Variants in BANP observed in about 807,000 individuals in gnomAD.
The protein encoded by BANP is BTG3 associated nuclear protein.
BANP carries 11 observed loss-of-function variants against 68.1 expected under a neutral mutation model. That is an observed-to-expected ratio of 0.16 (90% CI 0.10 to 0.27). The LOEUF (loss-of-function observed/expected upper bound fraction) is 0.27. BANP is among the 10% of genes least tolerant of loss of function. The pLI is 1.00. For synonymous variants in BANP, 329 were observed against 303.2 expected (o/e 1.09, Z -0.88); for missense variants, 504 against 722.7 (o/e 0.70, Z 3.47).
intron 11 of BANP, among the ~76,000 whole-genome samples, chr16:88,044,101 G>GT (rs2081407876): frequency 6.6e-6 from 1 of 152,208 alleles, no homozygotes; most frequent in Non-Finnish European, 1.5e-5. Context: ...CTTTGCTGCC[G>GT]TGGGTACCCT....
intron 6 of BANP, among the ~76,000 whole-genome samples, chr16:88,010,914 G>GTATTTAGCTACAAACATGCCTCGAA (rs1567743360): frequency 6.6e-6 from 1 of 151,776 alleles, no homozygotes; most frequent in African/African-American, 2.4e-5. Flanking sequence ...GGAAAGGAGA[G>GTATTTAGCTACAAACATGCCTCGAA]CATTTATTTA....
At chr16:87,994,185 G>A (rs190109129) in intron 4 of BANP, among the ~76,000 whole-genome samples, 153 of 152,336 alleles carry the variant, frequency 1.0e-3, no homozygotes, top group African/African-American at 3.6e-3. Flanking sequence ...TTGCCTAGGA[G>A]CCCCGCATCC....
chr16:88,050,729 T>G (rs925307369), intron 11 of BANP, among the ~76,000 whole-genome samples: 1 of 152,174 alleles, frequency 6.6e-6, no homozygotes, highest in Middle Eastern at 3.4e-3. Context: ...CACTCTGTTG[T>G]CGAGGCTGGA....
chr16:88,040,281 G>C (rs2080432485), intron 11 of BANP, among the ~76,000 whole-genome samples: 1 of 142,452 alleles, frequency 7.0e-6, no homozygotes, highest in Non-Finnish European at 1.5e-5. Context: ...TCCATCATTT[G>C]GCCAGTTCTC....
intron 8 of BANP, among the ~76,000 whole-genome samples, chr16:88,031,890 C>T (rs1270555085): frequency 6.6e-6 from 1 of 151,506 alleles, no homozygotes; most frequent in Non-Finnish European, 1.5e-5. Context: ...CTGTAACCAC[C>T]TACTCCCAGG....
chr16:87,958,125 T>G (rs1407252273), intron 1 of BANP, among the ~76,000 whole-genome samples: 1 of 152,150 alleles, frequency 6.6e-6, no homozygotes, highest in Non-Finnish European at 1.5e-5. Flanking sequence ...AATTTCTGGC[T>G]CTCCTCTTTG....
At chr16:87,982,997 C>T (rs1157816499) in intron 3 of BANP, among the ~76,000 whole-genome samples, 2 of 152,184 alleles carry the variant, frequency 1.3e-5, no homozygotes, top group Admixed American at 1.3e-4. Context: ...GCCGGCCTCC[C>T]GCTCCCCTGT....
intron 1 of BANP, among the ~76,000 whole-genome samples, chr16:87,953,067 A>G (rs1345100931): frequency 2.0e-5 from 3 of 152,148 alleles, no homozygotes; most frequent in Non-Finnish European, 4.4e-5. Flanking sequence ...GTGCTTCATC[A>G]TGACCCAGGA....
chr16:87,949,817 T>C (rs2056631466), upstream of BANP: 1 of 152,154 alleles, frequency 6.6e-6, no homozygotes, highest in Non-Finnish European at 1.5e-5. Context: ...GTTTTTATTA[T>C]TGGCAAAAGG....
intron 1 of BANP, among the ~76,000 whole-genome samples, chr16:87,961,681 G>A (rs2059184566): frequency 6.6e-6 from 1 of 152,174 alleles, no homozygotes; most frequent in Admixed American, 6.5e-5. Flanking sequence ...TACCATGAAT[G>A]TTTGTCCCCT....
At chr16:88,034,493 T>A (rs2078878127) in intron 9 of BANP, among the ~76,000 whole-genome samples, 9 of 152,304 alleles carry the variant, frequency 5.9e-5, no homozygotes, top group African/African-American at 1.9e-4. Flanking sequence ...ATCACATTTA[T>A]TAGTGTTTAC....
At chr16:87,985,627 G>A (rs559616105) in intron 4 of BANP, among the ~76,000 whole-genome samples, 1 of 152,238 alleles carries the variant, frequency 6.6e-6, no homozygotes, top group South Asian at 2.1e-4. Flanking sequence ...CCTAGCTATA[G>A]AGAATGAATG....
intron 6 of BANP, among the ~76,000 whole-genome samples, chr16:88,014,108 G>C (rs1290148523): frequency 6.6e-6 from 1 of 152,218 alleles, no homozygotes; most frequent in Non-Finnish European, 1.5e-5. Context: ...TTTAGAGTCA[G>C]AGTCTCCTGC....
chr16:88,070,560 G>A (rs1449287272), intron 12 of BANP, among the ~76,000 whole-genome samples: 1 of 152,164 alleles, frequency 6.6e-6, no homozygotes, highest in African/African-American at 2.4e-5. Flanking sequence ...AGTCGTGGCT[G>A]GCAGGGTTGC....
chr16:87,987,712 CAAAAAAAAA>C (rs66648819), intron 4 of BANP, among the ~76,000 whole-genome samples: 30 of 30,370 alleles, frequency 9.9e-4, no homozygotes, highest in South Asian at 5.2e-3. Context: ...GACCCTAACT[CAAAAAAAAA>C]AAAAAAAAAA....
At position 88,004,665 on chromosome 16, in the gene BANP, G is replaced by A. The variant is rs2070441932; in HGVS notation, c.479+254G>A. 6.6e-6 allele frequency among the ~76,000 whole-genome samples: 1 copy of A among 152,194 alleles called. No individual in the cohort carries two copies. Among genetic ancestry groups the A allele is most frequent in the Admixed American group, 6.5e-5 (1 of 15,282 alleles). The stretch of plus-strand genomic sequence containing the variant: ...TGTGTCTCGTGCTGGCCGGGGTTGT[G>A]GAGGGGGCTGGCTCTGTCTCCTCAC... On this transcript the variant is annotated intron_variant, in intron 5 of 13. Coordinates refer to ENST00000682872, the MANE Select transcript of BANP (RefSeq NM_001386991.1). This position sits in a 1 kb window ranked among gnomAD's most constrained non-coding sequence, Gnocchi z 7.0.
chr16:88,003,428 AT>A lies in BANP; in HGVS notation c.363-865del. ...GAGTGAAATCCAAGAATGGAGTTTT[AT>A]TGTCAGGTGATAATCACGTTGTGTT... On this transcript the variant is annotated intron_variant, in intron 4 of 13. Transcript: ENST00000682872. The surrounding 1 kb of genome is among the most constrained non-coding windows in gnomAD (Gnocchi z 6.1). 2.2e-6 allele frequency: 1 copy of A among 455,932 alleles called. No individual in the cohort carries two copies. 28.2% of individuals were successfully genotyped at this position (455,932 alleles called of 1,614,324 possible).
chr16:88,034,149 C>G (rs1342643928), intron 9 of BANP, among the ~76,000 whole-genome samples: 5 of 152,192 alleles, frequency 3.3e-5, no homozygotes, highest in Admixed American at 6.5e-5. Flanking sequence ...CCGGAAAATT[C>G]TGGGGCTTTT....
Position 88,018,582 on chromosome 16 carries a change from C to T in BANP, c.810C>T (p.Arg270=), listed in dbSNP as rs751241255. Residue 270 remains arginine, a synonymous_variant, in exon 7 of 14, where the codon CGC becomes CGT. Transcript: ENST00000682872. This position sits in a 1 kb window ranked among gnomAD's most constrained non-coding sequence, Gnocchi z 7.7. ...ALTLLDYLFH[R]EVQAVSNLSG... is the part of the protein sequence containing the mutation. ...CGCTGCTGGACTACCTCTTCCACCG[C>T]GAGGTGCAGGCTGTGTCCAACCTCT... is the stretch of plus-strand genomic sequence containing the variant. 19 of 1,606,872 alleles carry T rather than the reference C, an allele frequency of 1.2e-5. No homozygotes were observed. Among genetic ancestry groups the T allele is most frequent in the East Asian group, 6.7e-5 (3 of 44,528 alleles).
Sources: allele counts gnomAD v4.1 joint callset (sites outside exome capture counted in the v4.1 genomes callset), GRCh38; gene constraint gnomAD v4.1.1; non-coding constraint Gnocchi (gnomAD v3.1); transcripts MANE v1.5; gene names NCBI Gene and HGNC (gene_info 2026-07-23, HGNC 2026-07-21).